The following PAX3 variants were observed in gnomAD, a reference collection of about 807,000 sequenced individuals.
PAX3 encodes the protein paired box 3.
PAX3 carries 14 observed loss-of-function variants against 51.6 expected under a neutral mutation model. The ratio of observed to expected loss-of-function variants is 0.27; its 90% CI spans 0.18 to 0.42. The LOEUF (loss-of-function observed/expected upper bound fraction) is 0.42, where lower values mean the gene tolerates loss of function less well. Ranked by LOEUF, PAX3 falls within the 10% of genes least tolerant of loss-of-function variation. The pLI, the probability that PAX3 is intolerant of heterozygous loss-of-function variation, is 1.00. For missense variants in PAX3, 540 were observed against 642.8 expected (o/e 0.84, Z 1.73); for synonymous variants, 280 against 253.4 (o/e 1.11, Z -1.00).
At position 222,298,430 on chromosome 2, in the gene PAX3, C is replaced by T. The variant is rs1695422289; in HGVS notation, c.85+101G>A. 37 of 973,566 alleles carry T rather than the reference C, an allele frequency of 3.8e-5. 2 individuals are homozygous for T. In the South Asian group the frequency reaches 5.0e-4, roughly 13 times the overall value. The allele number at this position is 973,566 out of a possible 1,614,324, so 60.3% of individuals were successfully genotyped here. A position where few individuals can be genotyped will look rare whatever the true frequency, so the allele number is the denominator to read the frequency against. On this transcript the variant is annotated intron_variant, in intron 1 of 8. Transcript: ENST00000392070. ...GGGTGTGGGGTGCCCAGGGAATGGGCTTCCTGGAAGCACCAAAGGAGCCTG... is the reference window on the plus strand; with the variant it reads ...GGGTGTGGGGTGCCCAGGGAATGGGTTTCCTGGAAGCACCAAAGGAGCCTG...
chr2:222,210,447 T>C (rs879863902), intron 7 of PAX3, among the ~76,000 whole-genome samples: 2 of 152,188 alleles, frequency 1.3e-5, no homozygotes, highest in Non-Finnish European at 2.9e-5. Context: ...TTATAGAAGA[T>C]GGACTGTATA....
chr2:222,220,856 T>C (rs149082729), intron 6 of PAX3, among the ~76,000 whole-genome samples: 2 of 152,260 alleles, frequency 1.3e-5, no homozygotes, highest in African/African-American at 4.8e-5. Context: ...TTGTCAAAGC[T>C]TACCTTCCCT....
intron 7 of PAX3, among the ~76,000 whole-genome samples, chr2:222,211,005 T>C (rs938644668): frequency 1.3e-5 from 2 of 151,932 alleles, no homozygotes; most frequent in Admixed American, 6.6e-5. Context: ...TAGTTGGGAG[T>C]ACAGGTGCAG....
At position 222,226,053 on chromosome 2, in the gene PAX3, G is replaced by T. The variant is rs554587537; in HGVS notation, c.793-4666C>A. On this transcript the variant is annotated intron_variant, in intron 5 of 8. Coordinates refer to ENST00000392070, the MANE Select transcript of PAX3 (RefSeq NM_181458.4). ...AATTTTGCCCATCAATAAATTACTG[G>T]TTCACATTTTTGGTGGTGTTCTCAA... is the stretch of plus-strand genomic sequence containing the variant. Among the ~76,000 whole-genome samples, 21 of 152,252 alleles carry T rather than the reference G, an allele frequency of 1.4e-4. No homozygotes were observed. The South Asian group carries it at 4.4e-3, about 32-fold the overall frequency.
Position 222,232,260 on chromosome 2 carries a change from C to T in PAX3, c.610G>A (p.Gly204Ser), listed in dbSNP as rs1355952266. 1.2e-6 allele frequency: 2 copies of T among 1,613,788 alleles called. No homozygotes were observed. Among genetic ancestry groups the T allele is most frequent in the Non-Finnish European group, 1.7e-6 (2 of 1,179,798 alleles). Residue 204 changes from glycine to serine, a missense_variant, in exon 5 of 9, where the codon GGC becomes AGC. This residue lies in a region of PAX3 where 427 missense variants were observed against 483.6 expected (regional missense o/e 0.88). Transcript: ENST00000392070. ...TCTGGTTCAGAGTCAATATCAGAGC[C>T]TTCATCTGATTGGGGTGCTGAGGCT... ...ERASAPQSDE[G>S]SDIDSEPDLP...
chr2:222,237,496 T>TACTAGAGTTGGATCA (rs1199492937), intron 4 of PAX3, among the ~76,000 whole-genome samples: 4 of 152,184 alleles, frequency 2.6e-5, no homozygotes, highest in Non-Finnish European at 5.9e-5. Context: ...TCTACAGAAC[T>TACTAGAGTTGGATCA]ACTAGAGTTG....
At chr2:222,232,003 A>G in intron 5 of PAX3, 75 bp downstream of exon 5, 1 of 1,362,024 alleles carries the variant, frequency 7.3e-7, no homozygotes, top group Non-Finnish European at 1.0e-6. Flanking sequence ...GGATTGACAT[A>G]TGTTTTAGAT....
chr2:222,296,005 C>A (rs1695275808), intron 2 of PAX3, among the ~76,000 whole-genome samples: 1 of 152,088 alleles, frequency 6.6e-6, no homozygotes, highest in Non-Finnish European at 1.5e-5. Context: ...AACATGAAAA[C>A]GAAACTAAAA....
intron 4 of PAX3, chr2:222,264,036 T>A (rs1022017814): frequency 2.0e-5 from 3 of 152,196 alleles, no homozygotes; most frequent in Admixed American, 6.5e-5. Context: ...CTGTGCTCTA[T>A]CCTGGTAGTG....
rs1472871024 is a variant in PAX3, at chr2:222,239,521, T to C, written c.587-7238A>G. ...ATATGTTGAGAAAAGAAAACAGATA[T>C]GCAGGTGGAAAAAAAACAGAGATTT... On this transcript the variant is annotated intron_variant, in intron 4 of 8. Transcript: ENST00000392070. Among the ~76,000 whole-genome samples the C allele has an allele frequency of 2.6e-5, 4 of 151,516 alleles. No individual in the cohort carries two copies. The East Asian group carries it at 7.7e-4, about 29-fold the overall frequency.
chr2:222,279,531 A>G lies in PAX3; in HGVS notation c.586+14636T>C, dbSNP rs191710739. Among the ~76,000 whole-genome samples the G allele has an allele frequency of 3.7e-4, 57 of 152,326 alleles. No homozygotes were observed. The East Asian group carries it at 0.011, about 29-fold the overall frequency. Reference sequence around the variant, plus strand: ...GGGTTAGGTGGTAGGAGAATTTTCAAGTATGCCTGTGAAAAGCCTACACTT... The same window carrying G: ...GGGTTAGGTGGTAGGAGAATTTTCAGGTATGCCTGTGAAAAGCCTACACTT... On this transcript the variant is annotated intron_variant, in intron 4 of 8. Transcript: ENST00000392070.
chr2:222,254,148 A>AT (rs200181556), intron 4 of PAX3, among the ~76,000 whole-genome samples: 117 of 150,758 alleles, frequency 7.8e-4, no homozygotes, highest in African/African-American at 2.5e-3. Context: ...CCTATTGCAA[A>AT]TTTTTTTTTT....
At chr2:222,294,394 C>T in intron 3 of PAX3, 93 bp from the exon 4 acceptor site, 1 of 1,447,056 alleles carries the variant, frequency 6.9e-7, no homozygotes, top group Non-Finnish European at 9.6e-7. Flanking sequence ...AAACACCAGC[C>T]AGGGCCCTAG....
intron 4 of PAX3, among the ~76,000 whole-genome samples, chr2:222,272,389 A>G (rs1444459207): frequency 6.6e-6 from 1 of 152,214 alleles, no homozygotes; most frequent in Non-Finnish European, 1.5e-5. Flanking sequence ...ATCTCTAGGA[A>G]CAGACATCCT....
intron 4 of PAX3, among the ~76,000 whole-genome samples, chr2:222,254,075 A>C (rs547589291): frequency 1.3e-5 from 2 of 152,298 alleles, no homozygotes; most frequent in Admixed American, 6.5e-5. Context: ...TGAGCAGAAC[A>C]GAGCTCACAG....
intron 4 of PAX3, among the ~76,000 whole-genome samples, chr2:222,281,913 A>G (rs12619642): frequency 0.51 from 77,552 of 152,056 alleles, 20,534 homozygotes; most frequent in Middle Eastern, 0.68. Context: ...CTTGCTAGCC[A>G]TCTTCCATCT....
intron 4 of PAX3, among the ~76,000 whole-genome samples, chr2:222,265,627 T>C (rs1192177044): frequency 3.0e-5 from 2 of 66,728 alleles, no homozygotes; most frequent in African/African-American, 1.2e-4. Flanking sequence ...GGCGACAGAG[T>C]GAGACTCCAT....
At position 222,221,282 on chromosome 2, in the gene PAX3, G is replaced by T. The variant is rs868330891; in HGVS notation, c.898C>A (p.Pro300Thr). Residue 300 changes from proline (P) to threonine (T), a missense_variant, in exon 6 of 9, where the codon CCG (proline) becomes ACG (threonine). Pro to Thr is a conservative substitution (Grantham distance 38). Transcript: ENST00000392070. Reference sequence around the variant, plus strand: ...GACAGCTGGTACGTTGGCAAGGTCGGCATGGCAGTGGGAGGGAACCCCCCG... The same window carrying T: ...GACAGCTGGTACGTTGGCAAGGTCGTCATGGCAGTGGGAGGGAACCCCCCG... ...IPGGFPPTAM[P>T]TLPTYQLSET... 2 of 1,614,096 alleles carry T rather than the reference G, an allele frequency of 1.2e-6. No homozygotes were observed. The highest frequency in any genetic ancestry group is 1.7e-5 in the Admixed American group (1 of 60,022).
At position 222,202,116 on chromosome 2, in the gene PAX3, G is replaced by A. The variant is rs376147620; in HGVS notation, c.1248C>T (p.Thr416=). Reference sequence around the variant, plus strand: ...CCGTGGTGGTAGGTTCCAGACCCCCGGTGAGAGGGGAGAGCGCGTAATCAG... The same window carrying A: ...CCGTGGTGGTAGGTTCCAGACCCCCAGTGAGAGGGGAGAGCGCGTAATCAG... ...PQTDYALSPL[T]GGLEPTTTVS... Residue 416 remains threonine, a synonymous_variant, in exon 8 of 9, where the codon ACC becomes ACT. Coordinates refer to ENST00000392070, the MANE Select transcript of PAX3 (RefSeq NM_181458.4). 34 of 1,613,548 alleles carry A rather than the reference G, an allele frequency of 2.1e-5. No individual in the cohort carries two copies. The highest frequency in any genetic ancestry group is 5.3e-5 in the African/African-American group (4 of 74,870).
Sources: gnomAD v4.1 joint callset for allele counts (sites outside exome capture counted in the v4.1 genomes callset) on GRCh38, gnomAD v4.1.1 for gene constraint, gnomAD v4.1.1 regional missense constraint, MANE v1.5 for transcripts, NCBI Gene and HGNC (gene_info 2026-07-23, HGNC 2026-07-21) for gene names.